The following ZNF641 variants were observed in gnomAD, a reference collection of about 807,000 sequenced individuals.
The protein encoded by ZNF641 is zinc finger protein 641.
Under a neutral mutation model 46.2 loss-of-function variants are expected in ZNF641, and 26 were observed. The ratio of observed to expected loss-of-function variants is 0.56; its 90% CI spans 0.41 to 0.78. The LOEUF (loss-of-function observed/expected upper bound fraction) is 0.78. Ranked by LOEUF, ZNF641 falls within the 30% of genes least tolerant of loss-of-function variation. The pLI is 0.00. For synonymous variants in ZNF641, 163 were observed against 187.9 expected, an observed-to-expected ratio of 0.87 and a Z score of 1.09; for missense variants, 469 against 517.8, an observed-to-expected ratio of 0.91 and a Z score of 0.91.
At position 48,342,786 on chromosome 12, in the gene ZNF641, T is replaced by G. The variant is rs556829011; in HGVS notation, c.*187A>C. 22 of 1,416,858 alleles carry G rather than the reference T, an allele frequency of 1.6e-5. No homozygotes were observed. The South Asian group carries it at 3.5e-4, about 23-fold the overall frequency. 87.8% of individuals were successfully genotyped at this position (1,416,858 alleles called of 1,614,324 possible). ...CCCAAAAGTTTTGCCCAAAGAACTC[T>G]ATTTTTATGTGCTATCTCACAGAAC... On this transcript the variant is annotated 3_prime_UTR_variant, in exon 6 of 6. Transcript: ENST00000547026.
In ZNF641 at chr12:48,339,111, G is replaced by A. The variant is rs1952664434; in HGVS notation, c.*3862C>T. 6.6e-6 allele frequency: 1 copy of A among 152,122 alleles called. No individual in the cohort carries two copies. The highest frequency in any genetic ancestry group is 2.4e-5 in the African/African-American group (1 of 41,420). 9.4% of individuals were successfully genotyped at this position (152,122 alleles called of 1,614,324 possible). On this transcript the variant is annotated 3_prime_UTR_variant, in exon 6 of 6. Transcript: ENST00000547026. ...AGCCCCAATGAATCACAGGAGCTTG[G>A]TAGTTGCCCCACCATAGTTTCTGAT...
In ZNF641 at chr12:48,337,692, G is replaced by C. The variant is rs1382082315; in HGVS notation, c.*5281C>G. 2.6e-5 allele frequency: 4 copies of C among 151,450 alleles called. No individual in the cohort carries two copies. Among genetic ancestry groups the C allele is most frequent in the African/African-American group, 7.3e-5 (3 of 41,200 alleles). 9.4% of individuals were successfully genotyped at this position (151,450 alleles called of 1,614,324 possible). On this transcript the variant is annotated 3_prime_UTR_variant, in exon 6 of 6. Transcript: ENST00000547026. ...CAAAAAAAAAAAAAAAAATAGGCGTGGTGGTGGGCGCTTGTAGTCCCAGCT... is the reference window on the plus strand; with the variant it reads ...CAAAAAAAAAAAAAAAAATAGGCGTCGTGGTGGGCGCTTGTAGTCCCAGCT...
intron 5 of ZNF641, 195 bp downstream of exon 5, chr12:48,344,404 C>A (rs1161229464): frequency 7.0e-6 from 3 of 427,090 alleles, no homozygotes; most frequent in Non-Finnish European, 1.2e-5. Flanking sequence ...CAAGGTCCCA[C>A]AACTACAGCC....
At position 48,349,921 on chromosome 12, in the gene ZNF641, C is replaced by T. The variant is rs538732549; in HGVS notation, c.-26+865G>A. The T allele has an allele frequency of 2.6e-6, 3 of 1,133,512 alleles. No homozygotes were observed. In the South Asian group the frequency reaches 3.8e-5, roughly 14 times the overall value. The allele number at this position is 1,133,512 out of a possible 1,614,324, so 70.2% of individuals were successfully genotyped here. ...CCCTTTCTCCATCTCCCCCAGGTAG[C>T]AGAGTCTCTTAATGGGAAGCCTCTT... is the stretch of plus-strand genomic sequence containing the variant. On this transcript the variant is annotated intron_variant, in intron 1 of 5. Transcript: ENST00000547026.
At chr12:48,346,325 C>A (rs1952870152) in intron 3 of ZNF641, among the ~76,000 whole-genome samples, 1 of 152,148 alleles carries the variant, frequency 6.6e-6, no homozygotes, top group African/African-American at 2.4e-5. Context: ...TCTCTCCCTG[C>A]CCCATTTCCT....
Position 48,340,004 on chromosome 12 carries a change from C to T in ZNF641, c.*2969G>A. The stretch of plus-strand genomic sequence containing the variant: ...GTGACAGGTTCCTGAAGATGATATC[C>T]CTGTTTTACATTTTGCCCAAAGAGA... On this transcript the variant is annotated 3_prime_UTR_variant, in exon 6 of 6. Transcript: ENST00000547026. 1.0e-6 allele frequency: 1 copy of T among 985,362 alleles called. No homozygotes were observed. Among genetic ancestry groups the T allele is most frequent in the Non-Finnish European group, 1.2e-6 (1 of 829,936 alleles). 61.0% of individuals were successfully genotyped at this position (985,362 alleles called of 1,614,324 possible). A position where few individuals can be genotyped will look rare whatever the true frequency, so the allele number is the denominator to read the frequency against.
At position 48,342,368 on chromosome 12, in the gene ZNF641, G is replaced by A; in HGVS notation, c.*605C>T. The A allele has an allele frequency of 5.1e-6, 5 of 985,762 alleles. No homozygotes were observed. Among genetic ancestry groups the A allele is most frequent in the Non-Finnish European group, 6.0e-6 (5 of 830,218 alleles). 61.1% of individuals were successfully genotyped at this position (985,762 alleles called of 1,614,324 possible). ...CCCTGGCTTTCATATGGATAAAAAA[G>A]GGGGCTCTGGATGCCTGATCACTAT... On this transcript the variant is annotated 3_prime_UTR_variant, in exon 6 of 6. Transcript: ENST00000547026.
rs573813397 is a variant in ZNF641, at chr12:48,341,928, C to T, written c.*1045G>A. The T allele has an allele frequency of 2.0e-6, 2 of 983,416 alleles. No individual in the cohort carries two copies. Among genetic ancestry groups the T allele is most frequent in the African/African-American group, 3.5e-5 (2 of 57,346 alleles). The allele number at this position is 983,416 out of a possible 1,614,324, so 60.9% of individuals were successfully genotyped here. On this transcript the variant is annotated 3_prime_UTR_variant, in exon 6 of 6. Transcript: ENST00000547026. Reference sequence around the variant, plus strand: ...TAGTTCTCCCTTAACCAGACTGCTTCCTGTCTTGAAACAAAGAAAAAACCC... The same window carrying T: ...TAGTTCTCCCTTAACCAGACTGCTTTCTGTCTTGAAACAAAGAAAAAACCC...
chr12:48,344,303 C>T lies in ZNF641; in HGVS notation c.520+296G>A, dbSNP rs1185115700. Reference sequence around the variant, plus strand: ...TTGAGTGCTTATTATGTGCTTGGCACTGTTCTATTCTAATATTCTAATATA... The same window carrying T: ...TTGAGTGCTTATTATGTGCTTGGCATTGTTCTATTCTAATATTCTAATATA... On this transcript the variant is annotated intron_variant, in intron 5 of 5. Transcript: ENST00000547026. The T allele has an allele frequency of 2.0e-5, 4 of 201,658 alleles. No homozygotes were observed. In the East Asian group the frequency reaches 5.0e-4, roughly 25 times the overall value. The allele number at this position is 201,658 out of a possible 1,614,324, so 12.5% of individuals were successfully genotyped here.
chr12:48,350,508 C>A (rs1953001207), intron 1 of ZNF641: 1 of 177,046 alleles, frequency 5.6e-6, no homozygotes. Context: ...TGAGCTGGGG[C>A]ATGAGCAAGT....
At chr12:48,348,196 A>G in intron 1 of ZNF641, 81 bp from the exon 2 acceptor site, 1 of 1,413,904 alleles carries the variant, frequency 7.1e-7, no homozygotes, top group Non-Finnish European at 9.8e-7. Context: ...GAACAGGCCC[A>G]GGGATAATAG....
chr12:48,340,775 G>A lies in ZNF641; in HGVS notation c.*2198C>T, dbSNP rs1054474168. Reference sequence around the variant, plus strand: ...CAGGTCTGTACCCAAGACAGGTTCTGAACCATTGCTTATGCAGAGCTTTTA... The same window carrying A: ...CAGGTCTGTACCCAAGACAGGTTCTAAACCATTGCTTATGCAGAGCTTTTA... On this transcript the variant is annotated 3_prime_UTR_variant, in exon 6 of 6. Coordinates refer to ENST00000547026, the MANE Select transcript of ZNF641 (RefSeq NM_001172681.2). 1 of 985,274 alleles carries A rather than the reference G, an allele frequency of 1.0e-6. No individual in the cohort carries two copies. Among genetic ancestry groups the A allele is most frequent in the African/African-American group, 1.7e-5 (1 of 57,252 alleles). The allele number at this position is 985,274 out of a possible 1,614,324, so 61.0% of individuals were successfully genotyped here.
rs1156476399 is a variant in ZNF641 at position 48,343,403 on chromosome 12, T to C, written c.845A>G (p.Lys282Arg). Residue 282 changes from lysine to arginine, a missense_variant, in exon 6 of 6, where the codon AAG becomes AGG. Transcript: ENST00000547026. The part of the protein sequence containing the change: ...HTGERPYSCL[K>R]CEKTFGRRHH... The stretch of plus-strand genomic sequence containing the variant: ...TCTTCGCCCAAAGGTCTTCTCACAC[T>C]TGAGGCAGCTGTAGGGTCTCTCCCC... 6.2e-7 allele frequency: 1 copy of C among 1,614,094 alleles called. No homozygotes were observed. Among genetic ancestry groups the C allele is most frequent in the Admixed American group, 1.7e-5 (1 of 60,018 alleles).
chr12:48,345,106 G>A (rs769064936), intron 4 of ZNF641, among the ~76,000 whole-genome samples: 5 of 151,432 alleles, frequency 3.3e-5, no homozygotes, highest in South Asian at 2.1e-4. Flanking sequence ...TCCCAACCAA[G>A]AAGAACCTCA....
chr12:48,336,018 A>G (rs1292684036), downstream of ZNF641, among the ~76,000 whole-genome samples: 1 of 152,258 alleles, frequency 6.6e-6, no homozygotes, highest in African/African-American at 2.4e-5. Flanking sequence ...CAAATATTCA[A>G]TGGTTGTTTG....
chr12:48,349,435 T>TA (rs1397228748), intron 1 of ZNF641, among the ~76,000 whole-genome samples: 2 of 152,230 alleles, frequency 1.3e-5, no homozygotes, highest in African/African-American at 2.4e-5. Context: ...AGAAACTTGG[T>TA]AACTATCCTG....
Position 48,341,171 on chromosome 12 carries a change from G to C in ZNF641, c.*1802C>G. Reference sequence around the variant, plus strand: ...GATTCACCCAGTTTTTCCTGCAAAAGGCACAGTCGCTAAACTAAATTGGTG... The same window carrying C: ...GATTCACCCAGTTTTTCCTGCAAAACGCACAGTCGCTAAACTAAATTGGTG... On this transcript the variant is annotated 3_prime_UTR_variant, in exon 6 of 6. Transcript: ENST00000547026. 3.0e-6 allele frequency: 3 copies of C among 985,432 alleles called. No individual in the cohort carries two copies. Among genetic ancestry groups the C allele is most frequent in the Non-Finnish European group, 3.6e-6 (3 of 829,928 alleles). 61.0% of individuals were successfully genotyped at this position (985,432 alleles called of 1,614,324 possible).
chr12:48,347,398 G>A, intron 2 of ZNF641, 55 bp from the exon 3 acceptor site: 1 of 1,478,208 alleles, frequency 6.8e-7, no homozygotes, highest in Non-Finnish European at 9.1e-7. Context: ...TTTCTCAATG[G>A]GGCCTGGGCC....
In ZNF641 at chr12:48,343,067, C is replaced by G; in HGVS notation, c.1181G>C (p.Ser394Thr). 6.8e-6 allele frequency: 11 copies of G among 1,614,246 alleles called. No individual in the cohort carries two copies. Among genetic ancestry groups the G allele is most frequent in the Non-Finnish European group, 8.5e-6 (10 of 1,180,046 alleles). Residue 394 changes from serine (S) to threonine (T), a missense_variant, in exon 6 of 6, where the codon AGC (serine) becomes ACC (threonine). By Grantham distance (58) the Ser-to-Thr change is moderately conservative. This residue lies in a region of ZNF641 where 346 missense variants were observed against 354.0 expected (regional missense o/e 0.98). Coordinates refer to ENST00000547026, the MANE Select transcript of ZNF641 (RefSeq NM_001172681.2). ...KPFQCPRCEK[S>T]FGRKHHLDRH... Reference sequence around the variant, plus strand: ...GTCCAGGTGATGTTTTCGGCCAAAGCTCTTCTCACAGCGAGGGCACTGGAA... The same window carrying G: ...GTCCAGGTGATGTTTTCGGCCAAAGGTCTTCTCACAGCGAGGGCACTGGAA...
Sources: allele counts gnomAD v4.1 joint callset (sites outside exome capture counted in the v4.1 genomes callset), GRCh38; gene constraint gnomAD v4.1.1; regional missense constraint gnomAD v4.1.1; transcripts MANE v1.5; gene names NCBI Gene and HGNC (gene_info 2026-07-23, HGNC 2026-07-21).